Variants in MED27 observed in about 807,000 individuals in gnomAD.
The protein encoded by MED27 is mediator complex subunit 27.
A neutral mutation model predicts 38.2 loss-of-function variants in MED27; 30 were observed. The observed-to-expected ratio is 0.79, with a 90% confidence interval of 0.59 to 1.07. MED27 has a LOEUF of 1.07. Ranked by LOEUF, MED27 falls within the 50% of genes least tolerant of loss-of-function variation. The pLI is 0.00. For synonymous variants in MED27, 122 were observed against 153.5 expected (o/e 0.79, Z 1.52); for missense variants, 289 against 397.5 (o/e 0.73, Z 2.32).
At chr9:132,069,171 T>C (rs1162379764) in intron 2 of MED27, among the ~76,000 whole-genome samples, 1 of 152,146 alleles carries the variant, frequency 6.6e-6, no homozygotes, top group Non-Finnish European at 1.5e-5. Flanking sequence ...AAAAGGCTGA[T>C]GGAAGAGAGT....
At chr9:131,909,866 T>C (rs1224280392) in intron 4 of MED27, among the ~76,000 whole-genome samples, 1 of 152,174 alleles carries the variant, frequency 6.6e-6, no homozygotes, top group Non-Finnish European at 1.5e-5. Context: ...TTTGCTTCTA[T>C]TTAGGGTAGC....
chr9:131,934,914 A>T (rs545766971), intron 4 of MED27, among the ~76,000 whole-genome samples: 1 of 152,208 alleles, frequency 6.6e-6, no homozygotes, highest in African/African-American at 2.4e-5. Context: ...CTGCAACAAC[A>T]TGGGTGGAAA....
At chr9:132,034,778 A>C (rs4526484) in intron 2 of MED27, among the ~76,000 whole-genome samples, 105,623 of 152,034 alleles carry the variant, frequency 0.69, 38,327 homozygotes, top group Non-Finnish European at 0.8. Flanking sequence ...CACAGGTCAA[A>C]CAGAAAGAAA....
At position 132,062,293 on chromosome 9, in the gene MED27, C is replaced by T. The variant is rs74387606; in HGVS notation, c.348+15149G>A. 6.8e-3 allele frequency among the ~76,000 whole-genome samples: 1,035 copies of T among 152,358 alleles called. 14 individuals carry two copies. The highest frequency in any genetic ancestry group is 0.024 in the African/African-American group (988 of 41,582). On this transcript the variant is annotated intron_variant, in intron 2 of 7. Transcript: ENST00000292035. ...ACCTACAGTCCAGCATGAATCAGGCCATGATGTGGGCAACACGGGAGCGGG... is the reference window on the plus strand; with the variant it reads ...ACCTACAGTCCAGCATGAATCAGGCTATGATGTGGGCAACACGGGAGCGGG...
chr9:132,015,093 TAC>T (rs1832573912), intron 2 of MED27, among the ~76,000 whole-genome samples: 2 of 152,338 alleles, frequency 1.3e-5, no homozygotes, highest in South Asian at 4.1e-4. Flanking sequence ...TGGCTTATCA[TAC>T]ACAGATTCAA....
intron 3 of MED27, among the ~76,000 whole-genome samples, chr9:131,956,831 A>G (rs1831114463): frequency 6.6e-6 from 1 of 152,192 alleles, no homozygotes; most frequent in African/African-American, 2.4e-5. Flanking sequence ...TGATTAAAAA[A>G]AAAAAAACAC....
chr9:132,040,395 C>G (rs1001311144), intron 2 of MED27, among the ~76,000 whole-genome samples: 1 of 152,178 alleles, frequency 6.6e-6, no homozygotes, highest in Non-Finnish European at 1.5e-5. Flanking sequence ...ACAGAGAAAT[C>G]TAAGTTGGGA....
Position 132,065,553 on chromosome 9 carries a change from G to A in MED27, c.348+11889C>T, listed in dbSNP as rs143126804. 8.7e-3 allele frequency among the ~76,000 whole-genome samples: 1,330 copies of A among 152,312 alleles called. 10 individuals are homozygous for A. Among genetic ancestry groups the A allele is most frequent in the Non-Finnish European group, 0.014 (941 of 68,022 alleles). On this transcript the variant is annotated intron_variant, in intron 2 of 7. Coordinates refer to ENST00000292035, the MANE Select transcript of MED27 (RefSeq NM_004269.4). ...ACCTTTCTCTTTCATGAGACACCCC[G>A]CAAAGATGCCAGTGAGTTGCTCAGA...
chr9:132,055,056 A>C (rs868413809), intron 2 of MED27, among the ~76,000 whole-genome samples: 1 of 152,070 alleles, frequency 6.6e-6, no homozygotes, highest in Non-Finnish European at 1.5e-5. Flanking sequence ...TACCCTGTGG[A>C]TCTGCTTCCT....
rs992385394 is a variant in MED27, at chr9:131,860,621, C to T, written c.853G>A (p.Gly285Arg). 6.8e-6 allele frequency: 11 copies of T among 1,611,510 alleles called. No homozygotes were observed. Among genetic ancestry groups the T allele is most frequent in the African/African-American group, 1.3e-5 (1 of 74,788 alleles). The change falls in exon 8 of 8, where the codon GGG becomes AGG. Residue 285 changes from glycine to arginine, a missense_variant. Transcript: ENST00000292035. The surrounding 1 kb of genome is among the most constrained non-coding windows in gnomAD (Gnocchi z 5.8). ...GGAAGGCCGTCCTGCAGAAACTTCC[C>T]GCAGCGCTGGCACGGGGCCTGGAAC... Reference protein sequence around the residue: ...KLFQAPCQRCGKFLQDGLPPT... With the variant: ...KLFQAPCQRCRKFLQDGLPPT...
At chr9:132,021,146 T>C (rs914419282) in intron 2 of MED27, among the ~76,000 whole-genome samples, 1 of 152,234 alleles carries the variant, frequency 6.6e-6, no homozygotes, top group African/African-American at 2.4e-5. Flanking sequence ...ATCCAAGAAG[T>C]AAACAGAGAC....
At chr9:131,864,237 T>C (rs986520477) in intron 6 of MED27, among the ~76,000 whole-genome samples, 3 of 152,026 alleles carry the variant, frequency 2.0e-5, no homozygotes, top group African/African-American at 4.8e-5. Flanking sequence ...TCCCAGACCT[T>C]TGGGAGGCTG....
chr9:131,878,320 AT>A (rs1266158727), intron 6 of MED27, among the ~76,000 whole-genome samples: 1 of 152,028 alleles, frequency 6.6e-6, no homozygotes, highest in Non-Finnish European at 1.5e-5. Context: ...TAAAATAAAA[AT>A]AATCAACTAA....
intron 3 of MED27, among the ~76,000 whole-genome samples, chr9:131,943,781 A>G (rs1830831698): frequency 6.6e-6 from 1 of 152,172 alleles, no homozygotes; most frequent in African/African-American, 2.4e-5. Flanking sequence ...TACATTACAG[A>G]AGGCTTTCGA....
chr9:132,077,529 A>C lies in MED27; in HGVS notation c.261T>G (p.His87Gln), dbSNP rs780459285. 1 of 1,614,196 alleles carries C rather than the reference A, an allele frequency of 6.2e-7. No homozygotes were observed. The highest frequency in any genetic ancestry group is 8.5e-7 in the Non-Finnish European group (1 of 1,180,022). ...GATCCAGGCTTAACAGCCCACTGTTATGAAGAGGATGGTTCTCAGATGGCT... is the reference window on the plus strand; with the variant it reads ...GATCCAGGCTTAACAGCCCACTGTTCTGAAGAGGATGGTTCTCAGATGGCT... ...VGKPSENHPL[H>Q]NSGLLSLDPV... is the part of the protein sequence containing the mutation. The change falls in exon 2 of 8, where the codon CAT becomes CAG. Residue 87 changes from histidine to glutamine, a missense_variant. Coordinates refer to ENST00000292035, the MANE Select transcript of MED27 (RefSeq NM_004269.4).
intron 3 of MED27, among the ~76,000 whole-genome samples, chr9:131,977,271 G>A (rs1318307257): frequency 6.6e-6 from 1 of 152,260 alleles, no homozygotes; most frequent in East Asian, 1.9e-4. Context: ...TGGCGGCTCT[G>A]GAACCAAAGG....
At chr9:131,983,943 A>G (rs981573248) in intron 3 of MED27, among the ~76,000 whole-genome samples, 4 of 152,120 alleles carry the variant, frequency 2.6e-5, no homozygotes, top group African/African-American at 9.7e-5. Context: ...ATGCAGCTCC[A>G]ACTGATCCAG....
At chr9:131,957,032 T>C (rs1366346316) in intron 3 of MED27, among the ~76,000 whole-genome samples, 1 of 152,128 alleles carries the variant, frequency 6.6e-6, no homozygotes, top group African/African-American at 2.4e-5. Context: ...ACTGGCAATA[T>C]GAAATGTCGG....
At chr9:131,894,981 G>C (rs961920155) in intron 4 of MED27, among the ~76,000 whole-genome samples, 1 of 152,090 alleles carries the variant, frequency 6.6e-6, no homozygotes, top group South Asian at 2.1e-4. Flanking sequence ...GCCTTCACAC[G>C]TGTCTGCCTC....
Sources: allele counts gnomAD v4.1 joint callset (sites outside exome capture counted in the v4.1 genomes callset), GRCh38; gene constraint gnomAD v4.1.1; non-coding constraint Gnocchi (gnomAD v3.1); transcripts MANE v1.5; gene names NCBI Gene and HGNC (gene_info 2026-07-23, HGNC 2026-07-21).